MLLT10: variants seen among roughly 807,000 people sequenced by gnomAD.
MLLT10 encodes MLLT10 histone lysine methyltransferase DOT1L cofactor.
Under a neutral mutation model 129.1 loss-of-function variants are expected in MLLT10, and 30 were observed. The ratio of observed to expected loss-of-function variants is 0.23; its 90% CI spans 0.17 to 0.32. The LOEUF (loss-of-function observed/expected upper bound fraction) is 0.32. MLLT10 is among the 10% of genes least tolerant of loss of function. The probability of loss-of-function intolerance (pLI) is 1.00; values close to 1 mark genes in which losing one functional copy is unlikely to be tolerated. For missense variants in MLLT10, 1,119 were observed against 1,268.3 expected, an observed-to-expected ratio of 0.88 and a Z score of 1.79; for synonymous variants, 490 against 446.4, an observed-to-expected ratio of 1.10 and a Z score of -1.23.
intron 12 of MLLT10, among the ~76,000 whole-genome samples, chr10:21,681,852 G>A (rs892383345): frequency 1.3e-5 from 2 of 152,038 alleles, no homozygotes; most frequent in African/African-American, 2.4e-5. Flanking sequence ...TGTTAAGTGT[G>A]CCCTAAGGCA....
chr10:21,539,877 G>C (rs184383994), intron 3 of MLLT10, among the ~76,000 whole-genome samples: 2 of 151,254 alleles, frequency 1.3e-5, no homozygotes, highest in Admixed American at 1.3e-4. Context: ...CCTGGGAGGC[G>C]GAGGTTGCAG....
chr10:21,574,722 G>A (rs1454653948), intron 3 of MLLT10, among the ~76,000 whole-genome samples: 1 of 152,172 alleles, frequency 6.6e-6, no homozygotes, highest in African/African-American at 2.4e-5. Flanking sequence ...TCCTGGCATT[G>A]CTATGGCATT....
intron 20 of MLLT10, 108 bp from the exon 21 acceptor site, chr10:21,735,031 G>T (rs1205304883): frequency 4.0e-6 from 3 of 752,116 alleles, no homozygotes; most frequent in African/African-American, 1.8e-5. Context: ...ATTCAGAATT[G>T]TACTTAAGTT....
At chr10:21,698,898 G>A (rs912992087) in intron 13 of MLLT10, among the ~76,000 whole-genome samples, 11 of 151,960 alleles carry the variant, frequency 7.2e-5, no homozygotes, top group African/African-American at 1.5e-4. Flanking sequence ...GTTTTGAGAC[G>A]GAGTCTTGCT....
intron 8 of MLLT10, among the ~76,000 whole-genome samples, chr10:21,634,305 T>G (rs970579218): frequency 2.0e-5 from 3 of 152,218 alleles, no homozygotes; most frequent in African/African-American, 4.8e-5. Flanking sequence ...CTAGTTGTTT[T>G]GCAGTGTTGC....
rs149186670 is a variant in MLLT10 at position 21,591,476 on chromosome 10, C to T, written c.296-3855C>T. ...TGTTTGTTCGTAACATTGATTTTCCCTCTTATTTCTTATTTCTCTTCTGTT... is the reference window on the plus strand; with the variant it reads ...TGTTTGTTCGTAACATTGATTTTCCTTCTTATTTCTTATTTCTCTTCTGTT... On this transcript the variant is annotated intron_variant, in intron 4 of 22. Coordinates refer to ENST00000307729, the MANE Select transcript of MLLT10 (RefSeq NM_001195626.3). 5.6e-3 allele frequency among the ~76,000 whole-genome samples: 850 copies of T among 152,166 alleles called. 3 individuals are homozygous for T. The highest frequency in any genetic ancestry group is 9.0e-3 in the Non-Finnish European group (613 of 68,002).
chr10:21,593,099 A>AT (rs34081128), intron 4 of MLLT10, among the ~76,000 whole-genome samples: 75,121 of 145,952 alleles, frequency 0.51, 19,237 homozygotes, highest in Middle Eastern at 0.56. Context: ...CCACCCATTG[A>AT]TTTTTTTTTT....
At chr10:21,600,077 GA>G (rs2043376670) in intron 5 of MLLT10, among the ~76,000 whole-genome samples, 1 of 152,044 alleles carries the variant, frequency 6.6e-6, no homozygotes, top group Non-Finnish European at 1.5e-5. Context: ...ATAGTGATTT[GA>G]AATATTATTT....
intron 9 of MLLT10, among the ~76,000 whole-genome samples, chr10:21,658,956 G>A (rs751851157): frequency 2.4e-4 from 36 of 152,094 alleles, no homozygotes; most frequent in African/African-American, 8.2e-4. Flanking sequence ...ATGAGCCACC[G>A]TGCTTAGCTG....
intron 5 of MLLT10, among the ~76,000 whole-genome samples, chr10:21,609,894 C>T (rs1489102350): frequency 6.6e-6 from 1 of 152,136 alleles, no homozygotes; most frequent in Non-Finnish European, 1.5e-5. Flanking sequence ...CACACACACA[C>T]ACGCACATAC....
intron 8 of MLLT10, among the ~76,000 whole-genome samples, chr10:21,621,566 T>G (rs116667872): frequency 0.03 from 4,630 of 152,040 alleles, 232 homozygotes; most frequent in African/African-American, 0.1. Context: ...TTTTTAAAAG[T>G]AGGTGAGCGA....
chr10:21,574,674 T>C (rs1312011983), intron 3 of MLLT10, among the ~76,000 whole-genome samples: 1 of 152,230 alleles, frequency 6.6e-6, no homozygotes, highest in African/African-American at 2.4e-5. Flanking sequence ...TTCCCAGAAC[T>C]AGTGGTTCCT....
intron 3 of MLLT10, among the ~76,000 whole-genome samples, chr10:21,568,124 G>A (rs2039802388): frequency 6.6e-6 from 1 of 152,214 alleles, no homozygotes; most frequent in Admixed American, 6.5e-5. Context: ...GGCCTTGTTG[G>A]GGGTTCTTTT....
chr10:21,739,605 TA>T, intron 21 of MLLT10, among the ~76,000 whole-genome samples: 1 of 152,180 alleles, frequency 6.6e-6, no homozygotes, highest in South Asian at 2.1e-4. Context: ...AATCTATAAA[TA>T]TACGCTGCAT....
chr10:21,608,074 G>A (rs1282397997), intron 5 of MLLT10, among the ~76,000 whole-genome samples: 1 of 149,420 alleles, frequency 6.7e-6, no homozygotes, highest in Non-Finnish European at 1.5e-5. Context: ...GGCCTCCATA[G>A]TTCCTGATTG....
At chr10:21,620,353 C>G (rs765186374) in intron 8 of MLLT10, among the ~76,000 whole-genome samples, 3 of 152,110 alleles carry the variant, frequency 2.0e-5, no homozygotes, top group Non-Finnish European at 4.4e-5. Flanking sequence ...ACAGACAGTT[C>G]CCAATTTGAA....
intron 8 of MLLT10, among the ~76,000 whole-genome samples, chr10:21,621,496 C>T (rs1003676968): frequency 2.0e-5 from 3 of 152,126 alleles, no homozygotes; most frequent in African/African-American, 7.2e-5. Context: ...CCGCCCCTCT[C>T]GGCCTCCCAA....
At chr10:21,632,774 G>A (rs1286640810) in intron 8 of MLLT10, among the ~76,000 whole-genome samples, 1 of 152,122 alleles carries the variant, frequency 6.6e-6, no homozygotes, top group Non-Finnish European at 1.5e-5. Context: ...ATAGTAGATA[G>A]ATCTGACTTA....
At chr10:21,679,279 A>G (rs1262220075) in intron 11 of MLLT10, among the ~76,000 whole-genome samples, 1 of 152,108 alleles carries the variant, frequency 6.6e-6, no homozygotes, top group Non-Finnish European at 1.5e-5. Flanking sequence ...TCCTACGTAC[A>G]TTTTTTTGGG....
Sources: gnomAD v4.1 joint callset for allele counts (sites outside exome capture counted in the v4.1 genomes callset) on GRCh38, gnomAD v4.1.1 for gene constraint, MANE v1.5 for transcripts, NCBI Gene and HGNC (gene_info 2026-07-23, HGNC 2026-07-21) for gene names.